AEN: variants seen among roughly 807,000 people sequenced by gnomAD.
The protein encoded by AEN is apoptosis enhancing nuclease.
In AEN, 21 loss-of-function variants were observed where a neutral mutation model predicts 17.7. The ratio of observed to expected loss-of-function variants is 1.19; its 90% CI spans 0.84 to 1.71. The LOEUF (loss-of-function observed/expected upper bound fraction) is 1.71, where lower values mean the gene tolerates loss of function less well. Among genes scored for constraint, AEN ranks in the 40% most tolerant of loss-of-function variants. AEN has a pLI of 0.00. For missense variants in AEN, 462 were observed against 435.9 expected, an observed-to-expected ratio of 1.06 and a Z score of -0.53; for synonymous variants, 190 against 173.0, an observed-to-expected ratio of 1.10 and a Z score of -0.77.
At chr15:88,626,846 A>G (rs1268105217) in intron 2 of AEN, 97 bp downstream of exon 2, 3 of 1,397,904 alleles carry the variant, frequency 2.1e-6, no homozygotes, top group Admixed American at 2.1e-5. Context: ...GGGGCAAGAA[A>G]CCTTGGGAAA....
the AEN span, among the ~76,000 whole-genome samples, chr15:88,614,178 A>C: frequency 6.6e-6 from 1 of 152,172 alleles, no homozygotes; most frequent in Non-Finnish European, 1.5e-5. Flanking sequence ...TCAGCAAAAT[A>C]GACAATTTAC....
the AEN span, among the ~76,000 whole-genome samples, chr15:88,608,970 C>T: frequency 6.6e-6 from 1 of 152,262 alleles, no homozygotes; most frequent in South Asian, 2.1e-4. Context: ...TGGCATTGGT[C>T]CCCACTTCCC....
chr15:88,611,613 C>T, the AEN span, among the ~76,000 whole-genome samples: 1 of 151,918 alleles, frequency 6.6e-6, no homozygotes, highest in Non-Finnish European at 1.5e-5. Flanking sequence ...CAAAACAAAA[C>T]AACTGTGTCC....
the AEN span, among the ~76,000 whole-genome samples, chr15:88,608,835 T>C: frequency 6.6e-6 from 1 of 152,264 alleles, no homozygotes; most frequent in Non-Finnish European, 1.5e-5. Flanking sequence ...CAGGAAGACT[T>C]GTTGCAGGTA....
intron 2 of AEN, chr15:88,628,760 A>T (rs2057887043): frequency 6.4e-6 from 1 of 155,180 alleles, no homozygotes; most frequent in African/African-American, 2.4e-5. Flanking sequence ...AAAAGAATAA[A>T]TGTGACGCTT....
chr15:88,622,021 G>T (rs539902489), intron 1 of AEN, among the ~76,000 whole-genome samples: 1 of 152,146 alleles, frequency 6.6e-6, no homozygotes, highest in Non-Finnish European at 1.5e-5. Flanking sequence ...GTGAAGAGAC[G>T]TGACTTGCCC....
At chr15:88,620,654 T>A (rs745727148), upstream of AEN, among the ~76,000 whole-genome samples, 1 of 151,994 alleles carries the variant, frequency 6.6e-6, no homozygotes, top group Non-Finnish European at 1.5e-5. Flanking sequence ...GGTGATCACC[T>A]GCCTCGGCCT....
the AEN span, among the ~76,000 whole-genome samples, chr15:88,612,907 C>A: frequency 6.6e-6 from 1 of 152,084 alleles, no homozygotes; most frequent in Admixed American, 6.6e-5. Flanking sequence ...GGCCTCCCAG[C>A]CTTTCTGCCT....
the AEN span, among the ~76,000 whole-genome samples, chr15:88,610,714 A>G: frequency 3.3e-5 from 5 of 152,308 alleles, no homozygotes; most frequent in African/African-American, 1.2e-4. Context: ...AGGGTGGGCT[A>G]AAGAGGAAGT....
chr15:88,619,613 G>A (rs1055897016), upstream of AEN, among the ~76,000 whole-genome samples: 16 of 152,112 alleles, frequency 1.1e-4, no homozygotes, highest in Admixed American at 2.6e-4. Flanking sequence ...ACTTGAACCC[G>A]GGAGGCACAT....
At chr15:88,609,719 A>G in the AEN span, among the ~76,000 whole-genome samples, 13 of 152,174 alleles carry the variant, frequency 8.5e-5, no homozygotes, top group Non-Finnish European at 1.9e-4. Context: ...TCTTCTCCCA[A>G]TTCAGATAGA....
At chr15:88,608,292 G>T in the AEN span, 1 of 368,872 alleles carries the variant, frequency 2.7e-6, no homozygotes, top group Non-Finnish European at 6.0e-6. Context: ...ATCTGGAATT[G>T]ACTTTGGCTA....
At chr15:88,614,926 C>T in the AEN span, among the ~76,000 whole-genome samples, 1 of 152,094 alleles carries the variant, frequency 6.6e-6, no homozygotes, top group Non-Finnish European at 1.5e-5. Flanking sequence ...CTCGCTCTGT[C>T]GCCCAGGCTG....
At chr15:88,629,074 A>G in intron 2 of AEN, 152 bp from the exon 3 acceptor site, 1 of 739,646 alleles carries the variant, frequency 1.4e-6, no homozygotes, top group Non-Finnish European at 2.3e-6. Context: ...TTGGGGCAGC[A>G]TGGTTGACTG....
upstream of AEN, among the ~76,000 whole-genome samples, chr15:88,620,162 A>C (rs751029296): frequency 6.6e-6 from 1 of 151,996 alleles, no homozygotes; most frequent in Non-Finnish European, 1.5e-5. Context: ...TACGTTTCCA[A>C]ATCACTTCTG....
At position 88,629,414 on chromosome 15, in the gene AEN, CAAG is replaced by C. The variant is rs755257046; in HGVS notation, c.734_736del (p.Lys245del). 6.2e-7 allele frequency: 1 copy of C among 1,613,764 alleles called. No homozygotes were observed. The highest frequency in any genetic ancestry group is 1.1e-5 in the South Asian group (1 of 91,082). On this transcript the variant is annotated inframe_deletion, in exon 3 of 4. Transcript: ENST00000332810. The stretch of plus-strand genomic sequence containing the variant: ...AGGACCTGGCCCTGCAGCTGCTGCA[CAAG>C]AAGATCCAGGTGCGTGGTGGGAGAG...
chr15:88,630,646 A>G lies in AEN; in HGVS notation c.*352A>G, dbSNP rs988103147. 6.5e-6 allele frequency: 2 copies of G among 308,574 alleles called. No homozygotes were observed. Among genetic ancestry groups the G allele is most frequent in the African/African-American group, 4.3e-5 (2 of 46,990 alleles). The allele number at this position is 308,574 out of a possible 1,614,324, so 19.1% of individuals were successfully genotyped here. ...CCTTCCCCACCCCCCAGATCTCCTGAGTCATCATGCTGTGCTAATGAAAGG... is the reference window on the plus strand; with the variant it reads ...CCTTCCCCACCCCCCAGATCTCCTGGGTCATCATGCTGTGCTAATGAAAGG... On this transcript the variant is annotated 3_prime_UTR_variant, in exon 4 of 4. Coordinates refer to ENST00000332810, the MANE Select transcript of AEN (RefSeq NM_022767.4). This position sits in a 1 kb window ranked among gnomAD's most constrained non-coding sequence, Gnocchi z 5.1.
upstream of AEN, chr15:88,621,193 C>G (rs936258021): frequency 3.3e-5 from 5 of 152,328 alleles, no homozygotes; most frequent in Non-Finnish European, 4.4e-5. Flanking sequence ...CTTCAGGAGT[C>G]CCTCCCCTTC....
At position 88,629,397 on chromosome 15, in the gene AEN, G is replaced by A; in HGVS notation, c.712G>A (p.Ala238Thr). Residue 238 changes from alanine (A) to threonine (T), a missense_variant, in exon 3 of 4, where the codon GCC (alanine) becomes ACC (threonine). Coordinates refer to ENST00000332810, the MANE Select transcript of AEN (RefSeq NM_022767.4). ...GGCCCGGGTCTCTCTAAAGGACCTGGCCCTGCAGCTGCTGCACAAGAAGAT... is the reference window on the plus strand; with the variant it reads ...GGCCCGGGTCTCTCTAAAGGACCTGACCCTGCAGCTGCTGCACAAGAAGAT... ...TRARVSLKDL[A>T]LQLLHKKIQV... is the part of the protein sequence containing the mutation. The A allele has an allele frequency of 1.2e-6, 2 of 1,614,022 alleles. No homozygotes were observed. The highest frequency in any genetic ancestry group is 8.5e-7 in the Non-Finnish European group (1 of 1,179,950).
Sources: allele counts gnomAD v4.1 joint callset (sites outside exome capture counted in the v4.1 genomes callset), GRCh38; gene constraint gnomAD v4.1.1; non-coding constraint Gnocchi (gnomAD v3.1); transcripts MANE v1.5; gene names NCBI Gene and HGNC (gene_info 2026-07-23, HGNC 2026-07-21).